The following BANK1 variants were observed in gnomAD, a reference collection of about 807,000 sequenced individuals.
BANK1 encodes B cell scaffold protein with ankyrin repeats 1.
Under a neutral mutation model 94.5 loss-of-function variants are expected in BANK1, and 95 were observed. The ratio of observed to expected loss-of-function variants is 1.00; its 90% CI spans 0.85 to 1.19. BANK1 has a LOEUF of 1.19. Among genes scored for constraint, BANK1 ranks in the 50% most tolerant of loss-of-function variants. The pLI is 0.00. For synonymous variants in BANK1, 334 were observed against 308.4 expected (o/e 1.08, Z -0.87); for missense variants, 987 against 932.2 (o/e 1.06, Z -0.77).
intron 7 of BANK1, among the ~76,000 whole-genome samples, chr4:102,014,076 C>G (rs1354059818): frequency 6.6e-6 from 1 of 152,034 alleles, no homozygotes; most frequent in Non-Finnish European, 1.5e-5. Flanking sequence ...GAATTGAATC[C>G]AAGTCTGACA....
chr4:101,900,270 TA>T (rs771700306), intron 6 of BANK1, among the ~76,000 whole-genome samples: 72 of 152,090 alleles, frequency 4.7e-4, no homozygotes, highest in Non-Finnish European at 7.4e-4. Context: ...AACAGAGTAA[TA>T]AAACAGTAGC....
intron 5 of BANK1, among the ~76,000 whole-genome samples, chr4:101,887,983 C>T (rs550108089): frequency 6.6e-6 from 1 of 152,196 alleles, no homozygotes; most frequent in Non-Finnish European, 1.5e-5. Context: ...ATTTTCTTTA[C>T]AAGCTGCAGT....
intron 7 of BANK1, among the ~76,000 whole-genome samples, chr4:101,986,899 G>GTGTGTGTGTGTGTATATATATATATATA (rs1343197093): frequency 1.2e-5 from 1 of 82,670 alleles, no homozygotes; most frequent in African/African-American, 6.4e-5. Context: ...GTGTGTGTGT[G>GTGTGTGTGTGTGTATATATATATATATA]TATATATATA....
intron 16 of BANK1, 27 bp downstream of exon 16, chr4:102,073,775 T>C: frequency 6.4e-7 from 1 of 1,567,712 alleles, no homozygotes; most frequent in Non-Finnish European, 8.7e-7. Context: ...GTATATTTTT[T>C]AGAAAATCTA....
At chr4:102,050,057 G>A (rs1040255170) in intron 11 of BANK1, among the ~76,000 whole-genome samples, 11 of 152,208 alleles carry the variant, frequency 7.2e-5, no homozygotes, top group African/African-American at 2.7e-4. Flanking sequence ...AAAACCTCAT[G>A]TCAAGTGTTG....
At chr4:102,001,084 C>T (rs1726051445) in intron 7 of BANK1, among the ~76,000 whole-genome samples, 1 of 152,100 alleles carries the variant, frequency 6.6e-6, no homozygotes. Flanking sequence ...ATGAAGAACA[C>T]TAAAAATAAG....
At chr4:101,816,278 G>A (rs1404120764) in intron 1 of BANK1, among the ~76,000 whole-genome samples, 1 of 152,100 alleles carries the variant, frequency 6.6e-6, no homozygotes, top group East Asian at 1.9e-4. Context: ...ATGTTTCCTA[G>A]CTATCTTTTC....
In BANK1 at chr4:101,855,117, T is replaced by G. The variant is rs1727632722; in HGVS notation, c.552T>G (p.Ile184Met). 6.2e-7 allele frequency: 1 copy of G among 1,613,564 alleles called. No individual in the cohort carries two copies. The highest frequency in any genetic ancestry group is 8.5e-7 in the Non-Finnish European group (1 of 1,179,664). Residue 184 changes from isoleucine (I) to methionine (M), a missense_variant, in exon 3 of 17, where the codon ATT becomes ATG. Coordinates refer to ENST00000322953, the MANE Select transcript of BANK1 (RefSeq NM_017935.5). The part of the protein sequence containing the change: ...HSGEISERKE[I>M]EELSEASRNT... ...GGGAAATAAGTGAGAGAAAGGAAAT[T>G]GAAGAACTATCAGAAGCTTCAAGAA...
intron 6 of BANK1, among the ~76,000 whole-genome samples, chr4:101,911,999 A>G (rs1722679454): frequency 1.3e-5 from 2 of 152,172 alleles, no homozygotes; most frequent in South Asian, 2.1e-4. Context: ...ATATCCATTC[A>G]TTTTAATTAG....
intron 10 of BANK1, chr4:102,036,946 G>A (rs926512526): frequency 3.9e-5 from 6 of 152,160 alleles, no homozygotes; most frequent in African/African-American, 9.7e-5. Flanking sequence ...CAGCTGTAGC[G>A]TGAACTGACA....
At chr4:101,865,065 A>G (rs923155103) in intron 4 of BANK1, among the ~76,000 whole-genome samples, 4 of 152,162 alleles carry the variant, frequency 2.6e-5, no homozygotes, top group African/African-American at 9.7e-5. Context: ...GGTTGGAGAC[A>G]GGAGGATGGA....
At position 102,025,326 on chromosome 4, in the gene BANK1, A is replaced by G; in HGVS notation, c.1411A>G (p.Ser471Gly). The G allele has an allele frequency of 6.2e-7, 1 of 1,614,142 alleles. No homozygotes were observed. Among genetic ancestry groups the G allele is most frequent in the East Asian group, 2.2e-5 (1 of 44,866 alleles). Reference protein sequence around the residue: ...QNGSGMETKHSPLEVGSESSE... With the variant: ...QNGSGMETKHGPLEVGSESSE... ...TGGATCAGGCATGGAGACCAAACAC[A>G]GCCCACTAGAGGTTGGCAGTGAGAG... The change falls in exon 9 of 17, where the codon AGC becomes GGC. Residue 471 changes from serine (S) to glycine (G), a missense_variant. By Grantham distance (56) the Ser-to-Gly change is moderately conservative. Coordinates refer to ENST00000322953, the MANE Select transcript of BANK1 (RefSeq NM_017935.5).
intron 15 of BANK1, among the ~76,000 whole-genome samples, chr4:102,072,924 C>T (rs577532065): frequency 1.3e-5 from 2 of 152,120 alleles, no homozygotes; most frequent in African/African-American, 4.8e-5. Flanking sequence ...TGATAATGTC[C>T]TGACTACAAT....
chr4:101,988,823 C>G (rs1488616412), intron 7 of BANK1, among the ~76,000 whole-genome samples: 1 of 152,020 alleles, frequency 6.6e-6, no homozygotes, highest in African/African-American at 2.4e-5. Context: ...AGAACTGATC[C>G]AAGATATTAA....
chr4:102,036,875 A>G (rs1234795174), intron 10 of BANK1: 2 of 152,224 alleles, frequency 1.3e-5, no homozygotes, highest in African/African-American at 4.8e-5. Context: ...GAAATTTTCC[A>G]GCCTCATCTT....
intron 2 of BANK1, among the ~76,000 whole-genome samples, chr4:101,853,584 T>C (rs1214295126): frequency 6.6e-6 from 1 of 152,150 alleles, no homozygotes; most frequent in African/African-American, 2.4e-5. Context: ...AGACTTGTGT[T>C]CAGTGATTTG....
rs967303947 is a variant in BANK1, at chr4:102,025,595, A to T, written c.1594+86A>T. ...TAGCAAATAGTGCAGTGGCAAATCT[A>T]TACAGAGCAGATCAGCTTTTGAAAC... On this transcript the variant is annotated intron_variant, in intron 9 of 16. Transcript: ENST00000322953. 4.3e-5 allele frequency: 55 copies of T among 1,280,980 alleles called. No individual in the cohort carries two copies. The African/African-American group carries it at 7.6e-4, about 18-fold the overall frequency. The allele number at this position is 1,280,980 out of a possible 1,614,324, so 79.4% of individuals were successfully genotyped here. A position where few individuals can be genotyped will look rare whatever the true frequency, so the allele number is the denominator to read the frequency against.
chr4:102,042,987 C>T (rs1727753371), intron 10 of BANK1, among the ~76,000 whole-genome samples: 1 of 152,136 alleles, frequency 6.6e-6, no homozygotes, highest in African/African-American at 2.4e-5. Flanking sequence ...AGCCTTTTTA[C>T]AAGCTAGTTA....
chr4:101,844,233 G>A (rs1727164165), intron 2 of BANK1, among the ~76,000 whole-genome samples: 1 of 152,198 alleles, frequency 6.6e-6, no homozygotes, highest in Non-Finnish European at 1.5e-5. Context: ...TGCATCCAAA[G>A]AGCTATTGCC....
Sources: gnomAD v4.1 joint callset for allele counts (sites outside exome capture counted in the v4.1 genomes callset) on GRCh38, gnomAD v4.1.1 for gene constraint, MANE v1.5 for transcripts, NCBI Gene and HGNC (gene_info 2026-07-23, HGNC 2026-07-21) for gene names.